NFIA: variants seen among roughly 807,000 people sequenced by gnomAD.
NFIA encodes nuclear factor I A.
NFIA carries 8 observed loss-of-function variants against 62.8 expected under a neutral mutation model. The observed-to-expected ratio is 0.13, with a 90% confidence interval of 0.07 to 0.23. The LOEUF (loss-of-function observed/expected upper bound fraction) is 0.23. NFIA is among the 10% of genes least tolerant of loss of function. The pLI is 1.00. For synonymous variants in NFIA, 235 were observed against 238.1 expected (o/e 0.99, Z 0.12); for missense variants, 410 against 642.1 (o/e 0.64, Z 3.91).
rs188474768 is a variant in NFIA, at chr1:61,160,678, A to C, written c.559+71998A>C. On this transcript the variant is annotated intron_variant, in intron 2 of 10. Coordinates refer to ENST00000403491, the MANE Select transcript of NFIA (RefSeq NM_001134673.4). ...TGACTTACACTGGTCTAGCTTATCC[A>C]GTTTTGGGGCTGCTTTAGTAGCCCA... is the stretch of plus-strand genomic sequence containing the variant. Among the ~76,000 whole-genome samples the C allele has an allele frequency of 3.9e-4, 59 of 152,328 alleles. 1 individual carries two copies. The East Asian group carries it at 0.01, about 26-fold the overall frequency.
chr1:61,328,217 A>ATT lies in NFIA; in HGVS notation c.626-4294_626-4293dup, dbSNP rs1035101293. ...TGATAGGGCAGGGGGCTCAGAACAC[A>ATT]TTGGATTTGTCTCAGTGTCTCCAAC... On this transcript the variant is annotated intron_variant, in intron 3 of 10. Transcript: ENST00000403491. Among the ~76,000 whole-genome samples the ATT allele has an allele frequency of 1.7e-4, 26 of 151,896 alleles. No homozygotes were observed. The South Asian group carries it at 3.3e-3, about 19-fold the overall frequency.
chr1:61,292,936 C>T (rs1658980779), intron 3 of NFIA, among the ~76,000 whole-genome samples: 1 of 152,156 alleles, frequency 6.6e-6, no homozygotes, highest in Non-Finnish European at 1.5e-5. Flanking sequence ...GTGCAATGCT[C>T]TTTTCCATGT....
rs187790493 is a variant in NFIA at position 61,360,429 on chromosome 1, G to C, written c.946+1155G>C. ...AGTTACCTAGCCTCTCTGAGCCTGTGTCTCCCTTTTTATAATCTGACAGTA... is the reference window on the plus strand; with the variant it reads ...AGTTACCTAGCCTCTCTGAGCCTGTCTCTCCCTTTTTATAATCTGACAGTA... On this transcript the variant is annotated intron_variant, in intron 6 of 10. Transcript: ENST00000403491. Among the ~76,000 whole-genome samples, 820 of 152,316 alleles carry C rather than the reference G, an allele frequency of 5.4e-3. 10 individuals are homozygous for C. The highest frequency in any genetic ancestry group is 0.021 in the South Asian group (100 of 4,820).
chr1:61,412,784 G>T (rs1341988829), intron 9 of NFIA, among the ~76,000 whole-genome samples: 3 of 152,240 alleles, frequency 2.0e-5, no homozygotes, highest in East Asian at 3.9e-4. Flanking sequence ...TGAATGAATA[G>T]ACCTAAGAGT....
Position 61,294,013 on chromosome 1 carries a change from A to G in NFIA, c.625+16428A>G, listed in dbSNP as rs200677058. Among the ~76,000 whole-genome samples the G allele has an allele frequency of 6.6e-5, 10 of 152,336 alleles. No homozygotes were observed. In the East Asian group the frequency reaches 1.9e-3, roughly 29 times the overall value. On this transcript the variant is annotated intron_variant, in intron 3 of 10. Transcript: ENST00000403491. ...ATTTGTTGAGTTTAAATTATAATACAATCCAAGCCTGAGGGATGCAGTGAA... is the reference window on the plus strand; with the variant it reads ...ATTTGTTGAGTTTAAATTATAATACGATCCAAGCCTGAGGGATGCAGTGAA...
intron 2 of NFIA, among the ~76,000 whole-genome samples, chr1:61,092,399 G>A (rs756526400): frequency 2.0e-5 from 3 of 152,162 alleles, no homozygotes; most frequent in East Asian, 1.9e-4. Context: ...CTTTTGCACG[G>A]TAATCTTTTA....
chr1:61,216,356 C>T (rs2100610500), intron 2 of NFIA, among the ~76,000 whole-genome samples: 1 of 151,418 alleles, frequency 6.6e-6, no homozygotes, highest in South Asian at 2.1e-4. Context: ...GCCACAAACC[C>T]CTAAATTAAA....
At chr1:61,171,279 A>C (rs974946447) in intron 2 of NFIA, among the ~76,000 whole-genome samples, 2 of 152,222 alleles carry the variant, frequency 1.3e-5, no homozygotes, top group Non-Finnish European at 2.9e-5. Context: ...ATGATGTTTA[A>C]CCCATCTACT....
In NFIA at chr1:61,161,586, A is replaced by AACACACACAC. The variant is rs56383204; in HGVS notation, c.559+72931_559+72940dup. On this transcript the variant is annotated intron_variant, in intron 2 of 10. Transcript: ENST00000403491. ...TTCTCTCTAGACATGCGCCATGTGC[A>AACACACACAC]ACACACACACACACACACACACACA... 6.8e-3 allele frequency among the ~76,000 whole-genome samples: 1,011 copies of AACACACACAC among 149,462 alleles called. 12 individuals carry two copies. The highest frequency in any genetic ancestry group is 0.049 in the Middle Eastern group (14 of 284).
At chr1:61,314,067 T>C (rs1044560962) in intron 3 of NFIA, among the ~76,000 whole-genome samples, 2 of 152,248 alleles carry the variant, frequency 1.3e-5, no homozygotes, top group Admixed American at 1.3e-4. Context: ...CGTATCACTT[T>C]ATTGTTATTG....
chr1:61,100,263 G>A (rs1646485331), intron 2 of NFIA, among the ~76,000 whole-genome samples: 1 of 152,160 alleles, frequency 6.6e-6, no homozygotes, highest in Non-Finnish European at 1.5e-5. Context: ...TGTGTGAGTT[G>A]GAGAGCAGTT....
At chr1:61,092,765 A>G (rs1007580843) in intron 2 of NFIA, among the ~76,000 whole-genome samples, 2 of 152,140 alleles carry the variant, frequency 1.3e-5, no homozygotes, top group South Asian at 2.1e-4. Context: ...TCATATAGTA[A>G]TAGAGAAAGC....
intron 2 of NFIA, among the ~76,000 whole-genome samples, chr1:61,142,060 T>G (rs1227869833): frequency 1.3e-5 from 2 of 152,154 alleles, no homozygotes; most frequent in Non-Finnish European, 2.9e-5. Context: ...CAATTCAGTT[T>G]TGGGCCTTAG....
At chr1:61,228,341 A>T (rs1429036087) in intron 2 of NFIA, among the ~76,000 whole-genome samples, 1 of 152,184 alleles carries the variant, frequency 6.6e-6, no homozygotes, top group Non-Finnish European at 1.5e-5. Flanking sequence ...GCACCAGCTC[A>T]CAAGATGGAT....
At chr1:61,397,423 C>A (rs564033720) in intron 7 of NFIA, among the ~76,000 whole-genome samples, 3 of 152,150 alleles carry the variant, frequency 2.0e-5, no homozygotes, top group Non-Finnish European at 2.9e-5. Context: ...AAGAGACAGG[C>A]GAGCAACAAG....
intron 3 of NFIA, among the ~76,000 whole-genome samples, chr1:61,308,144 T>C (rs1659901946): frequency 1.3e-5 from 2 of 152,220 alleles, no homozygotes; most frequent in Admixed American, 6.5e-5. Context: ...GCTTTAAATT[T>C]TTAAGCTGGA....
chr1:61,312,124 A>T (rs1166026084), intron 3 of NFIA, among the ~76,000 whole-genome samples: 1 of 152,212 alleles, frequency 6.6e-6, no homozygotes, highest in Admixed American at 6.5e-5. Flanking sequence ...CCTGCACTCT[A>T]TATCACAGGC....
At chr1:61,326,087 T>A (rs1446598787) in intron 3 of NFIA, among the ~76,000 whole-genome samples, 1 of 152,140 alleles carries the variant, frequency 6.6e-6, no homozygotes, top group African/African-American at 2.4e-5. Context: ...GGGATGAAAT[T>A]GTTATTTTTG....
chr1:61,173,486 C>G (rs1451154566), intron 2 of NFIA, among the ~76,000 whole-genome samples: 1 of 152,128 alleles, frequency 6.6e-6, no homozygotes, highest in Admixed American at 6.5e-5. Context: ...CTCCTGGGTT[C>G]AAGTGATTCT....
Sources: allele counts gnomAD v4.1 joint callset (sites outside exome capture counted in the v4.1 genomes callset), GRCh38; gene constraint gnomAD v4.1.1; transcripts MANE v1.5; gene names NCBI Gene and HGNC (gene_info 2026-07-23, HGNC 2026-07-21).